The following TBL1X variants were observed in gnomAD, a reference collection of about 807,000 sequenced individuals.
TBL1X encodes transducin beta like 1 X-linked.
A neutral mutation model predicts 50.7 loss-of-function variants in TBL1X; 10 were observed. The ratio of observed to expected loss-of-function variants is 0.20; its 90% CI spans 0.12 to 0.33. The LOEUF (loss-of-function observed/expected upper bound fraction) is 0.33. TBL1X is among the 10% of genes least tolerant of loss of function. The pLI is 1.00. For synonymous variants in TBL1X, 190 were observed against 214.7 expected, an observed-to-expected ratio of 0.88 and a Z score of 1.01; for missense variants, 340 against 504.4, an observed-to-expected ratio of 0.67 and a Z score of 3.12.
At chrX:9,627,974 T>C (rs1470901723) in intron 2 of TBL1X, among the ~76,000 whole-genome samples, 2 of 112,516 alleles carry the variant, frequency 1.8e-5, no homozygotes, top group East Asian at 5.5e-4. Flanking sequence ...TTACTGTATT[T>C]AGAAGATGCA....
intron 2 of TBL1X, among the ~76,000 whole-genome samples, chrX:9,519,838 T>C (rs1331938244): frequency 1.8e-5 from 2 of 112,228 alleles, no homozygotes; most frequent in Non-Finnish European, 3.8e-5. Flanking sequence ...AAAACGGCAG[T>C]GACAGCCCAG....
intron 2 of TBL1X, among the ~76,000 whole-genome samples, chrX:9,620,074 G>A (rs750450378): frequency 2.7e-5 from 3 of 112,266 alleles, no homozygotes; most frequent in Non-Finnish European, 5.6e-5. Context: ...GCAAAATGGG[G>A]ACAGTGGCTC....
At chrX:9,493,233 C>T (rs2081956512) in intron 1 of TBL1X, among the ~76,000 whole-genome samples, 1 of 111,318 alleles carries the variant, frequency 9.0e-6, no homozygotes, top group African/African-American at 3.3e-5. Context: ...TCTCTAAGTC[C>T]CTTGGAAGAT....
rs1458945290 is a variant in TBL1X at position 9,465,294 on chromosome X, GCGGGGGCGGCC to G, written c.-343_-333del. 3.7e-5 allele frequency: 4 copies of G among 108,167 alleles called. No homozygotes were observed. Among genetic ancestry groups the G allele is most frequent in the African/African-American group, 9.9e-5 (3 of 30,424 alleles). The allele number at this position is 108,167 out of a possible 1,213,427, so 8.9% of individuals were successfully genotyped here. On this transcript the variant is annotated 5_prime_UTR_variant, in exon 1 of 18. Coordinates refer to ENST00000645353, the MANE Select transcript of TBL1X (RefSeq NM_005647.4). Reference sequence around the variant, plus strand: ...CTCTCCGGGACTCGGCGGCGGCGGGGCGGGGGCGGCCCGGGGGCGGCGCGCGGCTGCTCCGG... The same window carrying G: ...CTCTCCGGGACTCGGCGGCGGCGGGGCGGGGGCGGCGCGCGGCTGCTCCGG...
intron 1 of TBL1X, among the ~76,000 whole-genome samples, chrX:9,494,546 A>G (rs1473905670): frequency 8.9e-6 from 1 of 111,747 alleles, no homozygotes; most frequent in Non-Finnish European, 1.9e-5. Flanking sequence ...TCCTTGGCAA[A>G]TCAACTCATA....
chrX:9,473,131 A>G (rs1247686392), intron 1 of TBL1X, among the ~76,000 whole-genome samples: 4 of 111,511 alleles, frequency 3.6e-5, no homozygotes, highest in South Asian at 3.8e-4. Flanking sequence ...GGTAGTGCCA[A>G]TGTGCAAAGG....
chrX:9,653,747 TG>T, intron 4 of TBL1X, 58 bp downstream of exon 4: 2 of 1,025,611 alleles, frequency 2.0e-6, no homozygotes, highest in South Asian at 4.2e-5. Flanking sequence ...GGTGTTGACA[TG>T]GCCGCGGGTG....
At chrX:9,562,724 A>G (rs2082330304) in intron 2 of TBL1X, among the ~76,000 whole-genome samples, 1 of 110,454 alleles carries the variant, frequency 9.1e-6, no homozygotes, top group Non-Finnish European at 1.9e-5. Flanking sequence ...TTCTCAATAT[A>G]TACAGCATTA....
chrX:9,635,627 G>C (rs1182781524), intron 2 of TBL1X, among the ~76,000 whole-genome samples: 1 of 111,900 alleles, frequency 8.9e-6, no homozygotes, highest in Non-Finnish European at 1.9e-5. Context: ...TGCGCTTGTT[G>C]TTGGCTATGG....
rs1268493250 is a variant in TBL1X at position 9,719,176 on chromosome X, A to G, written c.*2930A>G. Reference sequence around the variant, plus strand: ...TCCTAGAGTGTTTGGTCGGGTTCACAGTGACCGAGAGTCAGGTCCAGCACA... The same window carrying G: ...TCCTAGAGTGTTTGGTCGGGTTCACGGTGACCGAGAGTCAGGTCCAGCACA... On this transcript the variant is annotated 3_prime_UTR_variant, in exon 18 of 18. Transcript: ENST00000645353. The G allele has an allele frequency of 8.9e-6, 1 of 112,336 alleles. No individual in the cohort carries two copies. The highest frequency in any genetic ancestry group is 3.2e-5 in the African/African-American group (1 of 30,807). The allele number at this position is 112,336 out of a possible 1,213,427, so 9.3% of individuals were successfully genotyped here.
At chrX:9,469,348 AG>A (rs1481287486) in intron 1 of TBL1X, among the ~76,000 whole-genome samples, 5 of 111,010 alleles carry the variant, frequency 4.5e-5, no homozygotes, top group African/African-American at 1.6e-4. Flanking sequence ...TTTTTAGTAG[AG>A]GTGGGGTTTC....
At chrX:9,693,444 C>A in intron 11 of TBL1X, 25 bp downstream of exon 11, 1 of 1,153,600 alleles carries the variant, frequency 8.7e-7, no homozygotes, top group Non-Finnish European at 1.2e-6. Flanking sequence ...AAAATACATC[C>A]CTTTGATCTA....
chrX:9,610,229 G>A (rs1300546508), intron 2 of TBL1X, among the ~76,000 whole-genome samples: 1 of 112,718 alleles, frequency 8.9e-6, no homozygotes, highest in Admixed American at 9.4e-5. Context: ...GTGTTGGGGT[G>A]TTACAAGAGC....
At chrX:9,674,504 C>G (rs1456954497) in intron 5 of TBL1X, among the ~76,000 whole-genome samples, 1 of 111,591 alleles carries the variant, frequency 9.0e-6, no homozygotes, top group Non-Finnish European at 1.9e-5. Context: ...TCAAGCGATT[C>G]ACCCACCTTC....
At chrX:9,668,907 AGCCT>A (rs2082945527) in intron 5 of TBL1X, among the ~76,000 whole-genome samples, 1 of 111,656 alleles carries the variant, frequency 9.0e-6, no homozygotes, top group African/African-American at 3.3e-5. Flanking sequence ...TGGAGGAAAG[AGCCT>A]ATTATGGCAA....
intron 2 of TBL1X, among the ~76,000 whole-genome samples, chrX:9,569,695 G>A (rs918119135): frequency 1.8e-4 from 20 of 111,749 alleles, no homozygotes; most frequent in Non-Finnish European, 3.6e-4. Context: ...AACAGGAATG[G>A]GTGGCCAGTT....
intron 3 of TBL1X, among the ~76,000 whole-genome samples, chrX:9,640,745 C>T (rs184694429): frequency 9.0e-6 from 1 of 111,606 alleles, no homozygotes; most frequent in Non-Finnish European, 1.9e-5. Context: ...ATTCTCCTGC[C>T]TCAGCCTCTC....
Position 9,719,576 on chromosome X carries a change from A to G in TBL1X, c.*3330A>G, listed in dbSNP as rs919958022. The G allele has an allele frequency of 9.0e-6, 1 of 110,625 alleles. No individual in the cohort carries two copies. The highest frequency in any genetic ancestry group is 3.3e-5 in the African/African-American group (1 of 30,198). 9.1% of individuals were successfully genotyped at this position (110,625 alleles called of 1,213,427 possible). ...TTGGCATTTTTCCGATTCTGTTCAG[A>G]TGACAGCGACCGCCTTTTCATTCCC... On this transcript the variant is annotated 3_prime_UTR_variant, in exon 18 of 18. Transcript: ENST00000645353.
intron 1 of TBL1X, among the ~76,000 whole-genome samples, chrX:9,498,731 C>T (rs184279856): frequency 8.9e-6 from 1 of 112,452 alleles, no homozygotes; most frequent in African/African-American, 3.2e-5. Context: ...ACATGCCCCC[C>T]CACTCTAGTG....
Sources: allele counts gnomAD v4.1 joint callset (sites outside exome capture counted in the v4.1 genomes callset), GRCh38; gene constraint gnomAD v4.1.1; transcripts MANE v1.5; gene names NCBI Gene and HGNC (gene_info 2026-07-23, HGNC 2026-07-21).